Variants in KAZN observed in about 807,000 individuals in gnomAD.
KAZN encodes kazrin.
KAZN carries 40 observed loss-of-function variants against 87.4 expected under a neutral mutation model. The observed-to-expected ratio is 0.46, with a 90% CI of 0.36 to 0.60. KAZN has a LOEUF of 0.60. Ranked by LOEUF, KAZN falls within the 20% of genes least tolerant of loss-of-function variation. The pLI is 0.00. For missense variants in KAZN, 898 were observed against 1,073.9 expected (o/e 0.84, Z 2.29); for synonymous variants, 466 against 458.3 (o/e 1.02, Z -0.22).
intron 2 of KAZN, among the ~76,000 whole-genome samples, chr1:15,018,351 C>T (rs146702214): frequency 4.7e-4 from 72 of 152,212 alleles, no homozygotes; most frequent in African/African-American, 1.6e-3. Context: ...ATAAAACTCT[C>T]GCACCCCTCC....
intron 2 of KAZN, among the ~76,000 whole-genome samples, chr1:14,429,838 C>A (rs1181829902): frequency 6.6e-6 from 1 of 152,152 alleles, no homozygotes; most frequent in African/African-American, 2.4e-5. Context: ...GGGAGGTGAA[C>A]TGACTTCCCA....
At chr1:14,157,928 T>C (rs1213963145) in intron 1 of KAZN, among the ~76,000 whole-genome samples, 1 of 151,946 alleles carries the variant, frequency 6.6e-6, no homozygotes, top group Non-Finnish European at 1.5e-5. Flanking sequence ...CCATCAGATC[T>C]CATGAGAACT....
chr1:14,828,750 A>C (rs1359434918), intron 1 of KAZN, among the ~76,000 whole-genome samples: 2 of 152,212 alleles, frequency 1.3e-5, no homozygotes, highest in South Asian at 2.1e-4. Context: ...CGGGTACAAC[A>C]GTCCAAAAGC....
intron 2 of KAZN, among the ~76,000 whole-genome samples, chr1:14,467,623 G>A (rs1271732764): frequency 8.3e-6 from 1 of 120,902 alleles, no homozygotes; most frequent in East Asian, 2.6e-4. Context: ...TCAGTTGAAA[G>A]CATTAATAAA....
At chr1:14,456,210 T>G (rs1667558227) in intron 2 of KAZN, among the ~76,000 whole-genome samples, 1 of 152,226 alleles carries the variant, frequency 6.6e-6, no homozygotes. Context: ...AACAAGCAAG[T>G]ATTATCTGAC....
At chr1:14,103,522 C>G (rs187384830) in intron 1 of KAZN, among the ~76,000 whole-genome samples, 1 of 152,310 alleles carries the variant, frequency 6.6e-6, no homozygotes, top group Non-Finnish European at 1.5e-5. Flanking sequence ...GTGTTGGCAG[C>G]TCCTTTCCAT....
chr1:14,142,121 T>G (rs1167376282), intron 1 of KAZN, among the ~76,000 whole-genome samples: 6 of 151,562 alleles, frequency 4.0e-5, no homozygotes, highest in Non-Finnish European at 8.8e-5. Context: ...TTTTTTTTTT[T>G]TTTTGGCTTG....
chr1:14,408,435 G>C (rs1259427650), intron 2 of KAZN, among the ~76,000 whole-genome samples: 1 of 152,164 alleles, frequency 6.6e-6, no homozygotes, highest in East Asian at 1.9e-4. Context: ...TAGTCAGCTT[G>C]GGCTGCTATA....
At chr1:14,420,876 G>T (rs901358049) in intron 2 of KAZN, among the ~76,000 whole-genome samples, 5 of 121,742 alleles carry the variant, frequency 4.1e-5, no homozygotes, top group African/African-American at 1.1e-4. Flanking sequence ...GTTGCCGCCC[G>T]CACCTCTCCC....
chr1:14,138,807 A>C (rs1645167735), intron 1 of KAZN, among the ~76,000 whole-genome samples: 1 of 152,218 alleles, frequency 6.6e-6, no homozygotes, highest in African/African-American at 2.4e-5. Context: ...ATGAATGGGC[A>C]AGGCTGTGTG....
chr1:14,884,439 A>C (rs1227663443), intron 1 of KAZN, among the ~76,000 whole-genome samples: 1 of 152,180 alleles, frequency 6.6e-6, no homozygotes, highest in Non-Finnish European at 1.5e-5. Context: ...ATCATTTTCT[A>C]CCGTGCCACT....
At chr1:14,968,828 C>G (rs892576743) in intron 2 of KAZN, among the ~76,000 whole-genome samples, 1 of 152,228 alleles carries the variant, frequency 6.6e-6, no homozygotes, top group African/African-American at 2.4e-5. Flanking sequence ...TGAAAGCTTC[C>G]CTACCCCAAA....
intron 1 of KAZN, among the ~76,000 whole-genome samples, chr1:14,933,475 A>T (rs1557635441): frequency 6.6e-6 from 1 of 152,216 alleles, no homozygotes; most frequent in African/African-American, 2.4e-5. Context: ...CCTTGTCTTA[A>T]GTGTTTTATC....
intron 1 of KAZN, among the ~76,000 whole-genome samples, chr1:14,674,935 C>A (rs1232847944): frequency 6.7e-6 from 1 of 148,790 alleles, no homozygotes; most frequent in African/African-American, 2.5e-5. Flanking sequence ...TACAGACACG[C>A]ACCACCACAC....
chr1:15,109,791 GTGTA>G (rs1157951993), intron 13 of KAZN, among the ~76,000 whole-genome samples: 9 of 27,906 alleles, frequency 3.2e-4, no homozygotes, highest in East Asian at 1.9e-3. Context: ...ATGTGTTTGT[GTGTA>G]TGTGTATGTG....
intron 1 of KAZN, among the ~76,000 whole-genome samples, chr1:14,064,686 G>A (rs1186438530): frequency 6.6e-6 from 1 of 152,146 alleles, no homozygotes; most frequent in Non-Finnish European, 1.5e-5. Flanking sequence ...GGTGGGGGTG[G>A]GCGAGGAAAC....
intron 1 of KAZN, among the ~76,000 whole-genome samples, chr1:14,758,153 T>C (rs199872432): frequency 2.0e-5 from 3 of 149,108 alleles, no homozygotes; most frequent in African/African-American, 7.4e-5. Context: ...CTTCCTCCCT[T>C]CCTCCCTCCC....
intron 13 of KAZN, among the ~76,000 whole-genome samples, chr1:15,110,029 TTGTG>T (rs1557806047): frequency 1.9e-4 from 11 of 58,120 alleles, no homozygotes; most frequent in African/African-American, 4.7e-4. Context: ...TAGATGGTGT[TTGTG>T]TATGTGTGTA....
chr1:15,065,571 G>C (rs1211805149), intron 7 of KAZN, 59 bp from the exon 8 acceptor site: 2 of 1,467,820 alleles, frequency 1.4e-6, no homozygotes, highest in Non-Finnish European at 1.9e-6. Flanking sequence ...CTGCACCCCA[G>C]CTAAGCTTGG....
Sources: gnomAD v4.1 joint callset for allele counts (sites outside exome capture counted in the v4.1 genomes callset) on GRCh38, gnomAD v4.1.1 for gene constraint, MANE v1.5 for transcripts, NCBI Gene and HGNC (gene_info 2026-07-23, HGNC 2026-07-21) for gene names.